DISC1: variants seen among roughly 807,000 people sequenced by gnomAD.
DISC1 encodes the protein DISC1 scaffold protein, also known as disrupted in schizophrenia 1 protein.
A neutral mutation model predicts 84.5 loss-of-function variants in DISC1; 57 were observed. The observed-to-expected ratio is 0.67, with a 90% CI of 0.55 to 0.84. DISC1 has a LOEUF of 0.84. DISC1 is among the 40% of genes least tolerant of loss of function. The pLI is 0.00. For missense variants in DISC1, 1,000 were observed against 1,057.8 expected (o/e 0.95, Z 0.76); for synonymous variants, 411 against 415.2 (o/e 0.99, Z 0.12).
chr1:231,882,267 G>A (rs1001474201), intron 9 of DISC1, among the ~76,000 whole-genome samples: 1 of 152,152 alleles, frequency 6.6e-6, no homozygotes, highest in Non-Finnish European at 1.5e-5. Flanking sequence ...ATTCCCTGGA[G>A]CCATGAGAAA....
At chr1:231,891,078 G>C (rs2087169583) in intron 9 of DISC1, among the ~76,000 whole-genome samples, 1 of 152,166 alleles carries the variant, frequency 6.6e-6, no homozygotes, top group South Asian at 2.1e-4. Flanking sequence ...TCCTCTGGCT[G>C]AAGGCTAAAC....
Position 232,031,046 on chromosome 1 carries a change from G to T in DISC1, c.2425+4494G>T, listed in dbSNP as rs899427985. ...TGCTTGAACCCAGGAGGTGGAGGTC[G>T]CAGTGAGCTGAGACTGCACACTACT... On this transcript the variant is annotated intron_variant, in intron 12 of 12. Coordinates refer to ENST00000439617, the MANE Select transcript of DISC1 (RefSeq NM_018662.3). This position sits in a 1 kb window ranked among gnomAD's most constrained non-coding sequence, Gnocchi z 4.6. Among the ~76,000 whole-genome samples, 1 of 151,822 alleles carries T rather than the reference G, an allele frequency of 6.6e-6. No individual in the cohort carries two copies. Among genetic ancestry groups the T allele is most frequent in the African/African-American group, 2.4e-5 (1 of 41,280 alleles).
intron 9 of DISC1, among the ~76,000 whole-genome samples, chr1:231,879,089 G>A (rs776224920): frequency 6.7e-6 from 1 of 149,770 alleles, no homozygotes; most frequent in African/African-American, 2.5e-5. Flanking sequence ...GAGTGTTTCC[G>A]ATTTTTTTTT....
chr1:231,893,374 G>T (rs2087412299), intron 9 of DISC1, among the ~76,000 whole-genome samples: 6 of 152,170 alleles, frequency 3.9e-5, no homozygotes, highest in Admixed American at 3.9e-4. Context: ...GACTATCTTA[G>T]TTGAGCAGGC....
intron 9 of DISC1, among the ~76,000 whole-genome samples, chr1:231,886,760 TTC>T (rs2086714225): frequency 1.8e-5 from 2 of 110,478 alleles, no homozygotes; most frequent in African/African-American, 3.4e-5. Context: ...CCTTTCTTCC[TTC>T]CTTCCTTTCT....
chr1:231,847,917 AT>A (rs535088073), intron 9 of DISC1, among the ~76,000 whole-genome samples: 1 of 152,152 alleles, frequency 6.6e-6, no homozygotes. Context: ...TCACTCAAAT[AT>A]TTGCCAAGTG....
At chr1:231,708,262 A>C (rs2067334858) in intron 3 of DISC1, among the ~76,000 whole-genome samples, 1 of 152,136 alleles carries the variant, frequency 6.6e-6, no homozygotes. Context: ...GCACCATCCA[A>C]TTGTCAAGGG....
intron 10 of DISC1, among the ~76,000 whole-genome samples, chr1:231,975,137 CAA>C (rs1295982395): frequency 1.3e-5 from 2 of 151,162 alleles, no homozygotes; most frequent in African/African-American, 4.9e-5. Context: ...ACAACAACAA[CAA>C]AAAACAAAGA....
At chr1:231,788,895 C>T (rs76565882) in intron 6 of DISC1, among the ~76,000 whole-genome samples, 1 of 151,076 alleles carries the variant, frequency 6.6e-6, no homozygotes, top group East Asian at 1.9e-4. Context: ...CCCCACCCCA[C>T]CCCACCCCAC....
intron 9 of DISC1, chr1:231,944,961 C>G (rs928930062): frequency 3.3e-5 from 5 of 152,204 alleles, no homozygotes; most frequent in African/African-American, 1.2e-4. Context: ...TAGAGACCTA[C>G]AAAGCGGCTT....
rs1045736812 is a variant in DISC1 at position 231,722,757 on chromosome 1, A to G, written c.1117+20733A>G. On this transcript the variant is annotated intron_variant, in intron 3 of 12. Coordinates refer to ENST00000439617, the MANE Select transcript of DISC1 (RefSeq NM_018662.3). Reference sequence around the variant, plus strand: ...GCATCATATTCCTCTCCCTTTTAACATTATTTCAGGATAGCAGCTGTCTGG... The same window carrying G: ...GCATCATATTCCTCTCCCTTTTAACGTTATTTCAGGATAGCAGCTGTCTGG... 4.0e-6 allele frequency: 6 copies of G among 1,507,224 alleles called. No individual in the cohort carries two copies. The African/African-American group carries it at 7.0e-5, about 18-fold the overall frequency. The allele number at this position is 1,507,224 out of a possible 1,614,324, so 93.4% of individuals were successfully genotyped here.
At chr1:231,860,974 C>T (rs1316304164) in intron 9 of DISC1, among the ~76,000 whole-genome samples, 1 of 152,206 alleles carries the variant, frequency 6.6e-6, no homozygotes, top group Non-Finnish European at 1.5e-5. Flanking sequence ...GATTCTGTCC[C>T]TCATCAATTT....
At chr1:232,008,636 C>A in intron 10 of DISC1, 149 bp from the exon 11 acceptor site, 1 of 1,000,452 alleles carries the variant, frequency 1.0e-6, no homozygotes, top group Non-Finnish European at 1.4e-6. Flanking sequence ...TCTGATGAAT[C>A]TTCTAGTTGA....
chr1:231,779,550 T>A (rs12740516), intron 6 of DISC1, among the ~76,000 whole-genome samples: 2 of 28,788 alleles, frequency 6.9e-5, no homozygotes, highest in Admixed American at 1.0e-3. Context: ...CCTATTCTTG[T>A]TTTTTTTTTT....
chr1:231,646,408 G>A (rs1267947463), intron 1 of DISC1, among the ~76,000 whole-genome samples: 1 of 152,052 alleles, frequency 6.6e-6, no homozygotes, highest in African/African-American at 2.4e-5. Flanking sequence ...TATCATTGAC[G>A]GACATTTGGG....
At chr1:231,890,638 G>A (rs2087137985) in intron 9 of DISC1, among the ~76,000 whole-genome samples, 1 of 152,190 alleles carries the variant, frequency 6.6e-6, no homozygotes, top group Non-Finnish European at 1.5e-5. Flanking sequence ...ACAAAGTTCT[G>A]AAGATAGATG....
intron 1 of DISC1, among the ~76,000 whole-genome samples, chr1:231,629,153 T>C (rs1428052724): frequency 6.6e-6 from 1 of 152,224 alleles, no homozygotes; most frequent in Non-Finnish European, 1.5e-5. Context: ...TACTTTAAAC[T>C]ATCTTCTTGT....
intron 10 of DISC1, among the ~76,000 whole-genome samples, chr1:231,960,619 T>C (rs113046747): frequency 2.0e-5 from 3 of 152,340 alleles, no homozygotes; most frequent in African/African-American, 7.2e-5. Context: ...CTGCTTTTCC[T>C]CTGTTCTCAC....
At chr1:231,910,824 G>T (rs952444520) in intron 9 of DISC1, among the ~76,000 whole-genome samples, 3 of 152,102 alleles carry the variant, frequency 2.0e-5, no homozygotes, top group Admixed American at 6.6e-5. Context: ...CTTTTTGTAG[G>T]TCTCTAAGGA....
Sources: allele counts gnomAD v4.1 joint callset (sites outside exome capture counted in the v4.1 genomes callset), GRCh38; gene constraint gnomAD v4.1.1; non-coding constraint Gnocchi (gnomAD v3.1); transcripts MANE v1.5; gene names NCBI Gene and HGNC (gene_info 2026-07-23, HGNC 2026-07-21).